LPIN1: variants seen among roughly 807,000 people sequenced by gnomAD.
LPIN1 encodes lipin 1.
In LPIN1, 71 loss-of-function variants were observed where a neutral mutation model predicts 107.5. The observed-to-expected ratio is 0.66, with a 90% CI of 0.55 to 0.80. The LOEUF (loss-of-function observed/expected upper bound fraction) is 0.80. LPIN1 is among the 30% of genes least tolerant of loss of function. The pLI, the probability that LPIN1 is intolerant of heterozygous loss-of-function variation, is 0.00. For synonymous variants in LPIN1, 445 were observed against 452.6 expected (o/e 0.98, Z 0.21); for missense variants, 1,043 against 1,160.6 (o/e 0.90, Z 1.47).
intron 1 of LPIN1, among the ~76,000 whole-genome samples, chr2:11,685,504 C>T (rs902738167): frequency 6.6e-6 from 1 of 152,170 alleles, no homozygotes. Flanking sequence ...ACCATTTACT[C>T]GAATAAACTC....
chr2:11,704,985 G>A (rs1663054192), intron 1 of LPIN1, among the ~76,000 whole-genome samples: 1 of 152,210 alleles, frequency 6.6e-6, no homozygotes, highest in Non-Finnish European at 1.5e-5. Context: ...ACTTCCACAT[G>A]TTACTTGTGG....
rs1399960071 is a variant in LPIN1 at position 11,746,656 on chromosome 2, C to A, written c.-25C>A. 5.1e-6 allele frequency: 5 copies of A among 985,122 alleles called. No individual in the cohort carries two copies. The highest frequency in any genetic ancestry group is 6.0e-6 in the Non-Finnish European group (5 of 829,820). 61.0% of individuals were successfully genotyped at this position (985,122 alleles called of 1,614,324 possible). ...GGTGTTTGCAATACAAAGGCGGCCA[C>A]GCGCGGCGCCGCTCGGTGAGTAGCC... On this transcript the variant is annotated 5_prime_UTR_variant, in exon 1 of 21. Coordinates refer to ENST00000674199, the MANE Select transcript of LPIN1 (RefSeq NM_001349206.2).
intron 1 of LPIN1, among the ~76,000 whole-genome samples, chr2:11,735,983 T>C (rs773931140): frequency 2.7e-4 from 41 of 152,336 alleles, no homozygotes; most frequent in Non-Finnish European, 5.7e-4. Flanking sequence ...AGTGTCTTCT[T>C]TGCAGAAACC....
chr2:11,760,351 AGC>A (rs1214952391), intron 1 of LPIN1, among the ~76,000 whole-genome samples: 1 of 152,234 alleles, frequency 6.6e-6, no homozygotes, highest in Non-Finnish European at 1.5e-5. Context: ...TGGAGGTTGT[AGC>A]GAGCCGAGAT....
intron 3 of LPIN1, 95 bp downstream of exon 3, chr2:11,767,953 CG>C (rs1465510174): frequency 4.8e-6 from 4 of 833,106 alleles, no homozygotes; most frequent in Non-Finnish European, 8.4e-6. Flanking sequence ...AAAGTAATAC[CG>C]GCCGTGGCTG....
intron 1 of LPIN1, among the ~76,000 whole-genome samples, chr2:11,748,392 C>A (rs1360023323): frequency 6.6e-6 from 1 of 152,234 alleles, no homozygotes; most frequent in Non-Finnish European, 1.5e-5. Flanking sequence ...TGACCACTCA[C>A]AGATGTAGAA....
intron 1 of LPIN1, among the ~76,000 whole-genome samples, chr2:11,685,566 A>C (rs1476381828): frequency 1.3e-5 from 2 of 152,206 alleles, no homozygotes; most frequent in Non-Finnish European, 2.9e-5. Flanking sequence ...TCAGATGAGA[A>C]ATCTAGGCTG....
At chr2:11,727,279 A>G (rs886572290) in intron 1 of LPIN1, among the ~76,000 whole-genome samples, 2 of 152,214 alleles carry the variant, frequency 1.3e-5, no homozygotes, top group African/African-American at 4.8e-5. Flanking sequence ...TTCACCATTC[A>G]TTGTTTTATT....
intron 1 of LPIN1, among the ~76,000 whole-genome samples, chr2:11,680,438 G>A (rs1321478809): frequency 6.6e-6 from 1 of 152,136 alleles, no homozygotes; most frequent in Non-Finnish European, 1.5e-5. Context: ...CGATCTGGGG[G>A]CGGTGCGTGA....
At chr2:11,680,534 G>C (rs1661658493) in intron 1 of LPIN1, among the ~76,000 whole-genome samples, 1 of 152,162 alleles carries the variant, frequency 6.6e-6, no homozygotes, top group South Asian at 2.1e-4. Context: ...AGAGTTCACA[G>C]GGCACAGGTC....
chr2:11,823,238 G>C (rs1035415719), intron 20 of LPIN1: 1 of 152,214 alleles, frequency 6.6e-6, no homozygotes, highest in African/African-American at 2.4e-5. Context: ...GGGGAGGCGC[G>C]CAGATGGAAC....
chr2:11,727,895 G>A (rs1315951783), intron 1 of LPIN1, among the ~76,000 whole-genome samples: 1 of 152,202 alleles, frequency 6.6e-6, no homozygotes, highest in African/African-American at 2.4e-5. Flanking sequence ...GACAAATACA[G>A]CATTCGTGAG....
At chr2:11,745,571 G>A (rs956477760), upstream of LPIN1, among the ~76,000 whole-genome samples, 16 of 152,292 alleles carry the variant, frequency 1.1e-4, no homozygotes, top group Admixed American at 3.3e-4. Flanking sequence ...TTAGCTGGGC[G>A]TGGTGGCATG....
In LPIN1 at chr2:11,765,694, C is replaced by T. The variant is rs1297844376; in HGVS notation, c.153C>T (p.Arg51=). ...TCCAATGCTCCCCTTTCCACGTCCG[C>T]TTTGGGAAGATGGGGGTCCTGCGCT... ...GNLQCSPFHV[R]FGKMGVLRSR... is the part of the protein sequence containing the mutation. Residue 51 remains arginine, a synonymous_variant, in exon 2 of 21, where the codon CGC becomes CGT. Transcript: ENST00000674199. The surrounding 1 kb of genome is among the most constrained non-coding windows in gnomAD (Gnocchi z 4.4). 6.2e-7 allele frequency: 1 copy of T among 1,612,810 alleles called. No individual in the cohort carries two copies. Among genetic ancestry groups the T allele is most frequent in the African/African-American group, 1.3e-5 (1 of 74,886 alleles).
At chr2:11,798,255 T>C (rs1420442586) in intron 14 of LPIN1, among the ~76,000 whole-genome samples, 1 of 152,176 alleles carries the variant, frequency 6.6e-6, no homozygotes, top group Non-Finnish European at 1.5e-5. Flanking sequence ...GAGAACGGAC[T>C]AATACAGCCA....
chr2:11,759,759 G>A (rs573445931), intron 1 of LPIN1, among the ~76,000 whole-genome samples: 4,162 of 151,686 alleles, frequency 0.027, 33 homozygotes, highest in African/African-American at 0.06. Context: ...AGGGGCGGCT[G>A]GGCAGAGGCG....
At chr2:11,793,238 C>T (rs1676094256) in intron 13 of LPIN1, among the ~76,000 whole-genome samples, 1 of 152,212 alleles carries the variant, frequency 6.6e-6, no homozygotes, top group African/African-American at 2.4e-5. Flanking sequence ...CTCACTCCCA[C>T]ACCAGGTCCT....
chr2:11,681,798 T>C (rs1428023694), intron 1 of LPIN1, among the ~76,000 whole-genome samples: 1 of 152,142 alleles, frequency 6.6e-6, no homozygotes, highest in African/African-American at 2.4e-5. Flanking sequence ...CCCCATCTAC[T>C]CAGAGCTTTT....
In LPIN1 at chr2:11,824,658, A is replaced by G; in HGVS notation, c.2648A>G (p.Asp883Gly). The change falls in exon 21 of 21, where the codon GAC becomes GGC. Residue 883 changes from aspartate (D) to glycine (G), a missense_variant. Asp to Gly is a moderately conservative substitution (Grantham distance 94, BLOSUM62 -1). Transcript: ENST00000674199. ...SSYVRLCEVV[D>G]HVFPLLKRSH... ...TATGTGAGACTCTGTGAAGTAGTCGACCACGTTTTCCCGTTGCTGAAAAGA... is the reference window on the plus strand; with the variant it reads ...TATGTGAGACTCTGTGAAGTAGTCGGCCACGTTTTCCCGTTGCTGAAAAGA... The G allele has an allele frequency of 6.2e-7, 1 of 1,614,038 alleles. No homozygotes were observed. Among genetic ancestry groups the G allele is most frequent in the Admixed American group, 1.7e-5 (1 of 60,000 alleles).
Sources: allele counts gnomAD v4.1 joint callset (sites outside exome capture counted in the v4.1 genomes callset), GRCh38; gene constraint gnomAD v4.1.1; non-coding constraint Gnocchi (gnomAD v3.1); transcripts MANE v1.5; gene names NCBI Gene and HGNC (gene_info 2026-07-23, HGNC 2026-07-21).